CEP19: variants seen among roughly 807,000 people sequenced by gnomAD.
CEP19 encodes centrosomal protein of 19 kDa.
A neutral mutation model predicts 17.5 loss-of-function variants in CEP19; 14 were observed. The observed-to-expected ratio is 0.80, with a 90% confidence interval of 0.53 to 1.25. CEP19 has a LOEUF of 1.25. Ranked by LOEUF, CEP19 falls within the 50% of genes most tolerant of loss-of-function variation. The pLI is 0.00. For synonymous variants in CEP19, 59 were observed against 65.5 expected, an observed-to-expected ratio of 0.90 and a Z score of 0.48; for missense variants, 193 against 192.0, an observed-to-expected ratio of 1.01 and a Z score of -0.03.
In CEP19 at chr3:196,708,002, ACT is replaced by A. The variant is rs61013516; in HGVS notation, c.131-92_131-91del. ...CTGCAACAGCCAAAACAGAACAAAA[ACT>A]CTGAACCCTGAAAATATTATCTCCA... is the stretch of plus-strand genomic sequence containing the variant. On this transcript the variant is annotated intron_variant, in intron 2 of 2. Transcript: ENST00000409690. 0.048 allele frequency: 66,645 copies of A among 1,381,272 alleles called. 9,075 individuals are homozygous for A. The East Asian group carries it at 0.56, about 12-fold the overall frequency. 85.6% of individuals were successfully genotyped at this position (1,381,272 alleles called of 1,614,324 possible).
At chr3:196,710,446 A>G (rs1182570987) in intron 1 of CEP19, among the ~76,000 whole-genome samples, 1 of 152,096 alleles carries the variant, frequency 6.6e-6, no homozygotes, top group East Asian at 1.9e-4. Context: ...TCGAGAGGCC[A>G]AGGCAGGAGA....
At chr3:196,711,717 G>A (rs577426479) in intron 1 of CEP19, among the ~76,000 whole-genome samples, 2 of 152,118 alleles carry the variant, frequency 1.3e-5, no homozygotes, top group Non-Finnish European at 2.9e-5. Flanking sequence ...TGCTCTCTTG[G>A]CCTGCTTACA....
At chr3:196,709,639 TAGTC>T (rs1711673646) in intron 1 of CEP19, among the ~76,000 whole-genome samples, 2 of 152,212 alleles carry the variant, frequency 1.3e-5, no homozygotes, top group Admixed American at 6.5e-5. Context: ...TCATATACAA[TAGTC>T]AGTAATGTCT....
rs1468233803 is a variant in CEP19, at chr3:196,706,394, A to T, written c.*1157T>A. ...GTATCAAATCACAGATAATGTTGTT[A>T]AACGAAGATGCTGTCTTGCAGATCC... On this transcript the variant is annotated 3_prime_UTR_variant, in exon 3 of 3. Transcript: ENST00000409690. 6.6e-6 allele frequency: 1 copy of T among 152,248 alleles called. No individual in the cohort carries two copies. The highest frequency in any genetic ancestry group is 1.5e-5 in the Non-Finnish European group (1 of 68,036). The allele number at this position is 152,248 out of a possible 1,614,324, so 9.4% of individuals were successfully genotyped here.
At position 196,707,885 on chromosome 3, in the gene CEP19, T is replaced by A. The variant is rs915379840; in HGVS notation, c.158A>T (p.Lys53Met). Residue 53 changes from lysine (K) to methionine (M), a missense_variant, in exon 3 of 3, where the codon AAG (lysine) becomes ATG (methionine). Physicochemically the swap from Lys to Met is moderately conservative, Grantham distance 95. Coordinates refer to ENST00000409690, the MANE Select transcript of CEP19 (RefSeq NM_032898.5). ...SDCTRAAEQLKNNPRHKSYLE... is the reference protein window; with the variant it reads ...SDCTRAAEQLMNNPRHKSYLE... ...GTAACTCTTGTGTCGCGGATTATTC[T>A]TTAATTGTTCAGCAGCTCTGGTGCA... The A allele has an allele frequency of 3.7e-6, 6 of 1,612,338 alleles. No homozygotes were observed. The highest frequency in any genetic ancestry group is 1.3e-5 in the African/African-American group (1 of 75,052).
At chr3:196,708,460 CAG>C (rs55901490) in intron 2 of CEP19, 66 bp downstream of exon 2, 537,780 of 1,438,134 alleles carry the variant, frequency 0.37, 103,901 homozygotes, top group East Asian at 0.63. Flanking sequence ...CAGTCCCTGA[CAG>C]AGTCATGATG....
At chr3:196,709,175 T>C (rs1711651444) in intron 1 of CEP19, among the ~76,000 whole-genome samples, 2 of 152,148 alleles carry the variant, frequency 1.3e-5, no homozygotes, top group South Asian at 2.1e-4. Context: ...AGCTGACCTA[T>C]AGGGTCTTTA....
intron 1 of CEP19, 27 bp from the exon 2 acceptor site, chr3:196,708,754 G>T: frequency 7.9e-7 from 1 of 1,271,912 alleles, no homozygotes; most frequent in Non-Finnish European, 1.1e-6. Context: ...ACTAGGTGTT[G>T]GATAAATGTC....
Position 196,708,520 on chromosome 3 carries a change from T to C in CEP19, c.130+8A>G, listed in dbSNP as rs779634177. The C allele has an allele frequency of 3.1e-6, 5 of 1,613,650 alleles. No homozygotes were observed. The highest frequency in any genetic ancestry group is 4.2e-6 in the Non-Finnish European group (5 of 1,179,602). The stretch of plus-strand genomic sequence containing the variant: ...TTAAGACAGGAGGCAAGATAAGACA[T>C]GAGGTACCTGAAAACTTTGAAAAGT... On this transcript the variant is annotated splice_region_variant and intron_variant, in intron 2 of 2. Coordinates refer to ENST00000409690, the MANE Select transcript of CEP19 (RefSeq NM_032898.5).
At position 196,711,981 on chromosome 3, in the gene CEP19, A is replaced by C. The variant is rs1396036446; in HGVS notation, c.-123T>G. The C allele has an allele frequency of 4.2e-6, 3 of 717,460 alleles. No individual in the cohort carries two copies. The highest frequency in any genetic ancestry group is 2.0e-5 in the Admixed American group (1 of 50,028). The allele number at this position is 717,460 out of a possible 1,614,324, so 44.4% of individuals were successfully genotyped here. ...TCTGCAGGCCAACGTCTAAACAACC[A>C]GGAGTGGGTTTTTCCACCCAACCGC... On this transcript the variant is annotated 5_prime_UTR_variant, in exon 1 of 3. Coordinates refer to ENST00000409690, the MANE Select transcript of CEP19 (RefSeq NM_032898.5).
Position 196,707,745 on chromosome 3 carries a change from C to A in CEP19, c.298G>T (p.Asp100Tyr), listed in dbSNP as rs1308352771. ...AGTTTGTTCAGGTCTTCCTCAGGAT[C>A]AATGGTTGTTTCCCGTTGAATTTGT... ...MEQIQRETTI[D>Y]PEEDLNKLDD... The change falls in exon 3 of 3, where the codon GAT becomes TAT. Residue 100 changes from aspartate to tyrosine, a missense_variant. Asp to Tyr is a radical substitution (Grantham distance 160). Coordinates refer to ENST00000409690, the MANE Select transcript of CEP19 (RefSeq NM_032898.5). The A allele has an allele frequency of 6.2e-7, 1 of 1,614,164 alleles. No homozygotes were observed. The highest frequency in any genetic ancestry group is 8.5e-7 in the Non-Finnish European group (1 of 1,180,030).
At chr3:196,709,170 A>AC (rs1257302149) in intron 1 of CEP19, among the ~76,000 whole-genome samples, 1 of 151,982 alleles carries the variant, frequency 6.6e-6, no homozygotes, top group Non-Finnish European at 1.5e-5. Context: ...CCAATAGCTG[A>AC]CCTATAGGGT....
Position 196,707,923 on chromosome 3 carries a change from G to A in CEP19, c.131-11C>T. 6.2e-7 allele frequency: 1 copy of A among 1,604,820 alleles called. No individual in the cohort carries two copies. The highest frequency in any genetic ancestry group is 8.5e-7 in the Non-Finnish European group (1 of 1,178,688). ...CAGCTCTGGTGCAATCTGGGAGAGAGAAGAAAACTATATACCACATACGTA... is the reference window on the plus strand; with the variant it reads ...CAGCTCTGGTGCAATCTGGGAGAGAAAAGAAAACTATATACCACATACGTA... On this transcript the variant is annotated splice_polypyrimidine_tract_variant and intron_variant, in intron 2 of 2. Transcript: ENST00000409690.
At chr3:196,710,842 T>TAAAAA (rs71161953) in intron 1 of CEP19, among the ~76,000 whole-genome samples, 1 of 98,214 alleles carries the variant, frequency 1.0e-5, no homozygotes, top group African/African-American at 3.9e-5. Context: ...CGCCTATTCT[T>TAAAAA]AAAAAAAAAA....
Position 196,707,492 on chromosome 3 carries a change from C to A in CEP19, c.*59G>T. The A allele has an allele frequency of 6.8e-7, 1 of 1,467,922 alleles. No homozygotes were observed. The highest frequency in any genetic ancestry group is 9.2e-7 in the Non-Finnish European group (1 of 1,090,450). The allele number at this position is 1,467,922 out of a possible 1,614,324, so 90.9% of individuals were successfully genotyped here. A position where few individuals can be genotyped will look rare whatever the true frequency, so the allele number is the denominator to read the frequency against. ...TATTCTTTACAGCTTCTTCCAGAAC[C>A]AGTCTGGTAATAAACATGGATATTC... On this transcript the variant is annotated 3_prime_UTR_variant, in exon 3 of 3. Coordinates refer to ENST00000409690, the MANE Select transcript of CEP19 (RefSeq NM_032898.5).
In CEP19 at chr3:196,708,691, T is replaced by A. The variant is rs142388691; in HGVS notation, c.-34A>T. ...ACATGTCCGGGTAAGTCAGAGGAAA[T>A]CTGATGAATATGTGTAAGTTGCATA... On this transcript the variant is annotated 5_prime_UTR_variant, in exon 2 of 3. Transcript: ENST00000409690. The A allele has an allele frequency of 1.2e-6, 2 of 1,609,592 alleles. No individual in the cohort carries two copies. The highest frequency in any genetic ancestry group is 2.7e-5 in the African/African-American group (2 of 74,930).
At chr3:196,708,380 A>G (rs1368198885) in intron 2 of CEP19, 148 bp downstream of exon 2, 1 of 722,798 alleles carries the variant, frequency 1.4e-6, no homozygotes, top group South Asian at 2.0e-5. Context: ...AAAAAACACT[A>G]CAATTCCCTT....
rs1035539706 is a variant in CEP19 at position 196,707,278 on chromosome 3, G to T, written c.*273C>A. On this transcript the variant is annotated 3_prime_UTR_variant, in exon 3 of 3. Coordinates refer to ENST00000409690, the MANE Select transcript of CEP19 (RefSeq NM_032898.5). ...ACTCCTGACCTTAGGTGATCCACCC[G>T]CCTCAGCCTCCCAAAGTGCTGGGAT... 5.7e-6 allele frequency: 2 copies of T among 348,578 alleles called. No individual in the cohort carries two copies. The highest frequency in any genetic ancestry group is 1.0e-5 in the Non-Finnish European group (2 of 191,930). The allele number at this position is 348,578 out of a possible 1,614,324, so 21.6% of individuals were successfully genotyped here. A position where few individuals can be genotyped will look rare whatever the true frequency, so the allele number is the denominator to read the frequency against.
chr3:196,710,561 G>C (rs1013540766), intron 1 of CEP19, among the ~76,000 whole-genome samples: 1 of 152,018 alleles, frequency 6.6e-6, no homozygotes, highest in Non-Finnish European at 1.5e-5. Flanking sequence ...GATGGAGGCA[G>C]GTGTGGTGGC....
Sources: allele counts gnomAD v4.1 joint callset (sites outside exome capture counted in the v4.1 genomes callset), GRCh38; gene constraint gnomAD v4.1.1; transcripts MANE v1.5; gene names NCBI Gene and HGNC (gene_info 2026-07-23, HGNC 2026-07-21).